Variants in CACNA2D1 observed in about 807,000 individuals in gnomAD.
CACNA2D1 encodes the protein voltage-dependent calcium channel subunit alpha-2/delta-1.
In CACNA2D1, 53 loss-of-function variants were observed where a neutral mutation model predicts 171.5. The observed-to-expected ratio is 0.31, with a 90% confidence interval of 0.25 to 0.39. CACNA2D1 has a LOEUF of 0.39. CACNA2D1 is among the 10% of genes least tolerant of loss of function. The pLI, the probability that CACNA2D1 is intolerant of heterozygous loss-of-function variation, is 1.00. For missense variants in CACNA2D1, 903 were observed against 1,299.8 expected, an observed-to-expected ratio of 0.69 and a Z score of 4.69; for synonymous variants, 442 against 443.1, an observed-to-expected ratio of 1.00 and a Z score of 0.03.
chr7:82,049,746 C>T (rs1804983013), intron 10 of CACNA2D1, among the ~76,000 whole-genome samples: 1 of 152,168 alleles, frequency 6.6e-6, no homozygotes, highest in Non-Finnish European at 1.5e-5. Flanking sequence ...TGGCTACAGG[C>T]CCCACTTCGA....
intron 4 of CACNA2D1, among the ~76,000 whole-genome samples, chr7:82,157,299 T>G (rs1794471250): frequency 6.6e-6 from 1 of 152,266 alleles, no homozygotes; most frequent in South Asian, 2.1e-4. Context: ...TCCCATGATC[T>G]AAATTTCTAC....
At chr7:82,248,029 A>G (rs1230850586) in intron 3 of CACNA2D1, among the ~76,000 whole-genome samples, 1 of 152,076 alleles carries the variant, frequency 6.6e-6, no homozygotes, top group Non-Finnish European at 1.5e-5. Flanking sequence ...CCTATCTACC[A>G]CCTTTAAAAC....
chr7:82,034,314 G>A (rs1406055801), intron 11 of CACNA2D1, among the ~76,000 whole-genome samples: 1 of 151,890 alleles, frequency 6.6e-6, no homozygotes, highest in Non-Finnish European at 1.5e-5. Context: ...GAAGGTCCAT[G>A]CTCTACCTTA....
chr7:81,961,845 T>A (rs777932597), intron 36 of CACNA2D1, 49 bp downstream of exon 36: 7 of 1,200,616 alleles, frequency 5.8e-6, no homozygotes, highest in Middle Eastern at 2.1e-4. Flanking sequence ...TATAACAGTA[T>A]ATACAATTTC....
chr7:81,963,636 GTA>G (rs1452392398), intron 34 of CACNA2D1, among the ~76,000 whole-genome samples: 2 of 151,940 alleles, frequency 1.3e-5, no homozygotes, highest in Admixed American at 6.6e-5. Flanking sequence ...TAGTAAAGAG[GTA>G]GAAGGTTGCC....
intron 3 of CACNA2D1, among the ~76,000 whole-genome samples, chr7:82,305,639 G>A (rs1043121254): frequency 6.6e-6 from 1 of 152,050 alleles, no homozygotes; most frequent in African/African-American, 2.4e-5. Flanking sequence ...AACACAAGAT[G>A]GTATAAAAAC....
chr7:82,192,997 C>T (rs1798493305), intron 3 of CACNA2D1, among the ~76,000 whole-genome samples: 1 of 149,206 alleles, frequency 6.7e-6, no homozygotes, highest in Non-Finnish European at 1.5e-5. Context: ...ATCAGTTAAA[C>T]TGGAACTAGA....
intron 24 of CACNA2D1, 26 bp downstream of exon 24, chr7:81,982,541 T>C (rs768926230): frequency 7.4e-7 from 1 of 1,360,136 alleles, no homozygotes; most frequent in Admixed American, 1.7e-5. Context: ...TGATAGAAGA[T>C]GTATCAAAAA....
At chr7:82,270,543 T>C (rs1563288391) in intron 3 of CACNA2D1, among the ~76,000 whole-genome samples, 1 of 152,112 alleles carries the variant, frequency 6.6e-6, no homozygotes, top group Non-Finnish European at 1.5e-5. Flanking sequence ...TGAATAAAAA[T>C]GTGTATCTGT....
At chr7:82,338,252 C>T (rs1232260858) in intron 2 of CACNA2D1, among the ~76,000 whole-genome samples, 1 of 152,050 alleles carries the variant, frequency 6.6e-6, no homozygotes, top group African/African-American at 2.4e-5. Context: ...AATCATAATA[C>T]AGATGCCCCA....
chr7:82,402,705 C>CAAAAAAAAAAAAA (rs59290672), intron 1 of CACNA2D1, among the ~76,000 whole-genome samples: 1 of 64,824 alleles, frequency 1.5e-5, no homozygotes, highest in Non-Finnish European at 2.8e-5. Flanking sequence ...GACTCTGTCT[C>CAAAAAAAAAAAAA]AAAAAAAAAA....
At chr7:81,954,340 A>G (rs1306970301) in intron 38 of CACNA2D1, among the ~76,000 whole-genome samples, 1 of 151,848 alleles carries the variant, frequency 6.6e-6, no homozygotes, top group Non-Finnish European at 1.5e-5. Context: ...GATAAAACTA[A>G]TTTTATTAGA....
At chr7:82,381,301 G>A (rs930152763) in intron 1 of CACNA2D1, among the ~76,000 whole-genome samples, 7 of 136,780 alleles carry the variant, frequency 5.1e-5, no homozygotes, top group East Asian at 2.1e-4. Flanking sequence ...GCGAAAGAGC[G>A]AGACTCTGTC....
At position 82,426,646 on chromosome 7, in the gene CACNA2D1, G is replaced by A. The variant is rs554048719; in HGVS notation, c.95+16719C>T. On this transcript the variant is annotated intron_variant, in intron 1 of 38. Transcript: ENST00000356860. ...TGTATCTTTAACGTTACAATTTTCC[G>A]TTTGCAAAGATTACTAGAACTAATA... Among the ~76,000 whole-genome samples, 81 of 152,090 alleles carry A rather than the reference G, an allele frequency of 5.3e-4. No homozygotes were observed. In the South Asian group the frequency reaches 6.4e-3, roughly 12 times the overall value.
chr7:82,215,559 TATATA>T (rs1801013997), intron 3 of CACNA2D1, among the ~76,000 whole-genome samples: 1 of 152,170 alleles, frequency 6.6e-6, no homozygotes, highest in South Asian at 2.1e-4. Context: ...TATTACCTAA[TATATA>T]ATATAATTAA....
chr7:81,994,840 T>G, intron 20 of CACNA2D1, 28 bp downstream of exon 20: 1 of 1,114,668 alleles, frequency 9.0e-7, no homozygotes, highest in South Asian at 1.3e-5. Flanking sequence ...TAATTTTTAT[T>G]TAAGAATAAG....
intron 3 of CACNA2D1, among the ~76,000 whole-genome samples, chr7:82,244,729 CA>C (rs1455617381): frequency 3.3e-5 from 5 of 152,054 alleles, no homozygotes; most frequent in Non-Finnish European, 7.4e-5. Context: ...AAATTATTCT[CA>C]ATAAGAATAA....
chr7:81,969,533 AAT>A (rs1795048536), intron 28 of CACNA2D1, among the ~76,000 whole-genome samples: 1 of 151,306 alleles, frequency 6.6e-6, no homozygotes, highest in South Asian at 2.1e-4. Context: ...ATACTGATAA[AAT>A]GTAATTAATC....
intron 8 of CACNA2D1, among the ~76,000 whole-genome samples, chr7:82,066,191 A>T (rs368284606): frequency 4.1e-4 from 63 of 152,256 alleles, no homozygotes; most frequent in African/African-American, 1.5e-3. Context: ...ACCAGCTAAG[A>T]GGTGTAGTAC....
Sources: allele counts gnomAD v4.1 joint callset (sites outside exome capture counted in the v4.1 genomes callset), GRCh38; gene constraint gnomAD v4.1.1; transcripts MANE v1.5; gene names NCBI Gene and HGNC (gene_info 2026-07-23, HGNC 2026-07-21).